Variants in KDM4C observed in about 807,000 individuals in gnomAD.
KDM4C encodes lysine-specific demethylase 4C.
KDM4C carries 81 observed loss-of-function variants against 129.3 expected under a neutral mutation model. The observed-to-expected ratio is 0.63, with a 90% CI of 0.52 to 0.75. KDM4C has a LOEUF of 0.75. KDM4C is among the 30% of genes least tolerant of loss of function. The pLI is 0.00. For missense variants in KDM4C, 1,457 were observed against 1,304.0 expected (o/e 1.12, Z -1.81); for synonymous variants, 573 against 456.1 (o/e 1.26, Z -3.26).
chr9:6,772,919 C>T (rs539161610), intron 1 of KDM4C, among the ~76,000 whole-genome samples: 3 of 151,458 alleles, frequency 2.0e-5, no homozygotes, highest in African/African-American at 7.3e-5. Flanking sequence ...TGGTCCCGAA[C>T]TCTTGACCGC....
In KDM4C at chr9:7,054,941, C is replaced by T. The variant is rs563912215; in HGVS notation, c.2424+5741C>T. Among the ~76,000 whole-genome samples, 4 of 152,278 alleles carry T rather than the reference C, an allele frequency of 2.6e-5. No individual in the cohort carries two copies. In the South Asian group the frequency reaches 8.3e-4, roughly 32 times the overall value. On this transcript the variant is annotated intron_variant, in intron 17 of 21. Coordinates refer to ENST00000381309, the MANE Select transcript of KDM4C (RefSeq NM_015061.6). ...TCTTTCAATGCAGCGGATGTCTGTT[C>T]TGATTGCTGTCATTGCATAACAAAC...
chr9:7,015,986 C>T (rs1286953863), intron 15 of KDM4C, 57 bp downstream of exon 15: 9 of 1,248,164 alleles, frequency 7.2e-6, no homozygotes, highest in African/African-American at 4.4e-5. Context: ...CCACTGTGGA[C>T]ACATTTAAGT....
At chr9:7,000,565 AACAGATTTTGATAGC>A (rs1394932886) in intron 12 of KDM4C, among the ~76,000 whole-genome samples, 1 of 152,230 alleles carries the variant, frequency 6.6e-6, no homozygotes, top group East Asian at 1.9e-4. Flanking sequence ...ACTACCCAGG[AACAGATTTTGATAGC>A]ACAGTTTCAT....
chr9:6,998,439 G>A (rs1009197555), intron 12 of KDM4C, among the ~76,000 whole-genome samples: 2 of 152,112 alleles, frequency 1.3e-5, no homozygotes, highest in African/African-American at 2.4e-5. Context: ...AGGAAGTCCC[G>A]TTTGACTAAA....
intron 8 of KDM4C, among the ~76,000 whole-genome samples, chr9:6,970,880 C>T (rs372927506): frequency 1.1e-4 from 16 of 146,774 alleles, no homozygotes; most frequent in East Asian, 8.2e-4. Flanking sequence ...GAACCAAAAC[C>T]GAAATGATGC....
rs761515665 is a variant in KDM4C at position 7,103,690 on chromosome 9, C to T, written c.2430C>T (p.Cys810=). The change falls in exon 18 of 22, where the codon TGC becomes TGT. Residue 810 remains cysteine, a synonymous_variant. Coordinates refer to ENST00000381309, the MANE Select transcript of KDM4C (RefSeq NM_015061.6). ...TCTCTGTTTTAACCTTCCAGAAATG[C>T]ATCTTCTGCAGACACCGGGTTAAGA... ...RIPLQRLKLK[C]IFCRHRVKRV... is the part of the protein sequence containing the mutation. 1.9e-6 allele frequency: 3 copies of T among 1,612,006 alleles called. No individual in the cohort carries two copies. Among genetic ancestry groups the T allele is most frequent in the South Asian group, 1.1e-5 (1 of 91,022 alleles).
At chr9:7,005,666 G>A (rs1324533701) in intron 12 of KDM4C, among the ~76,000 whole-genome samples, 2 of 152,152 alleles carry the variant, frequency 1.3e-5, no homozygotes, top group Admixed American at 6.5e-5. Flanking sequence ...CCTTTGCAGA[G>A]ATTATGTTGG....
chr9:6,831,545 G>A (rs1292384226), intron 4 of KDM4C, among the ~76,000 whole-genome samples: 1 of 152,030 alleles, frequency 6.6e-6, no homozygotes, highest in Admixed American at 6.6e-5. Flanking sequence ...GTTTCACCAT[G>A]TTGGCCAGGC....
At chr9:6,858,961 A>G (rs992479655) in intron 5 of KDM4C, among the ~76,000 whole-genome samples, 17 of 152,078 alleles carry the variant, frequency 1.1e-4, no homozygotes, top group Admixed American at 5.9e-4. Flanking sequence ...TGCCCATAGT[A>G]TATAGGAAAG....
intron 17 of KDM4C, among the ~76,000 whole-genome samples, chr9:7,060,924 C>T (rs1478471775): frequency 6.6e-6 from 1 of 152,212 alleles, no homozygotes; most frequent in East Asian, 1.9e-4. Flanking sequence ...TCTTCCCCTA[C>T]TGTCCTTACT....
At chr9:6,934,436 T>C (rs972060634) in intron 8 of KDM4C, among the ~76,000 whole-genome samples, 14 of 149,292 alleles carry the variant, frequency 9.4e-5, no homozygotes, top group South Asian at 2.1e-4. Context: ...GCTGAGATCA[T>C]GCCACCGCAC....
In KDM4C at chr9:6,814,896, C is replaced by A. The variant is rs138709473; in HGVS notation, c.435+151C>A. The A allele has an allele frequency of 3.9e-5, 17 of 439,934 alleles. No individual in the cohort carries two copies. In the East Asian group the frequency reaches 5.6e-4, roughly 14 times the overall value. The allele number at this position is 439,934 out of a possible 1,614,324, so 27.3% of individuals were successfully genotyped here. On this transcript the variant is annotated intron_variant, in intron 4 of 21. Coordinates refer to ENST00000381309, the MANE Select transcript of KDM4C (RefSeq NM_015061.6). ...CAGGAAATATTCATCAGTAGGATTT[C>A]TGCTGCTGGTATTTTTCAAACTGAA... is the stretch of plus-strand genomic sequence containing the variant.
At chr9:6,886,949 G>A (rs1845385819) in intron 6 of KDM4C, among the ~76,000 whole-genome samples, 1 of 152,170 alleles carries the variant, frequency 6.6e-6, no homozygotes, top group African/African-American at 2.4e-5. Context: ...TATCTGCATA[G>A]AGAGATCCAC....
At chr9:6,832,220 G>C (rs375755405) in intron 4 of KDM4C, among the ~76,000 whole-genome samples, 5 of 150,898 alleles carry the variant, frequency 3.3e-5, no homozygotes, top group African/African-American at 1.2e-4. Context: ...GGAGCCTGTA[G>C]TCCCAGCTAC....
chr9:6,794,165 C>T (rs746271189), intron 2 of KDM4C, among the ~76,000 whole-genome samples: 1 of 152,208 alleles, frequency 6.6e-6, no homozygotes, highest in Non-Finnish European at 1.5e-5. Context: ...GTGCCAGACA[C>T]TATGCCAGGT....
exon 1 of KDM4C, chr9:6,720,978 G>A (rs1588022500): frequency 6.4e-7 from 1 of 1,551,632 alleles, no homozygotes; most frequent in South Asian, 1.2e-5. Flanking sequence ...CCTGGAAGAG[G>A]ACTGAAGAAG....
At chr9:6,738,056 C>A (rs564142746) in intron 1 of KDM4C, among the ~76,000 whole-genome samples, 1 of 152,096 alleles carries the variant, frequency 6.6e-6, no homozygotes, top group East Asian at 1.9e-4. Context: ...ATCACTTGAA[C>A]CCGGGAGGCA....
intron 16 of KDM4C, 55 bp downstream of exon 16, chr9:7,046,972 A>G: frequency 7.8e-7 from 1 of 1,275,756 alleles, no homozygotes; most frequent in East Asian, 2.3e-5. Context: ...TCCATTCTAG[A>G]ACCTTTGGAT....
intron 4 of KDM4C, among the ~76,000 whole-genome samples, chr9:6,815,558 A>G (rs997630083): frequency 1.6e-4 from 25 of 152,152 alleles, no homozygotes; most frequent in Admixed American, 1.5e-3. Flanking sequence ...GAAAGGTGGA[A>G]CTAGTGCAAT....
Sources: gnomAD v4.1 joint callset for allele counts (sites outside exome capture counted in the v4.1 genomes callset) on GRCh38, gnomAD v4.1.1 for gene constraint, MANE v1.5 for transcripts, NCBI Gene and HGNC (gene_info 2026-07-23, HGNC 2026-07-21) for gene names.